Variants in MMP1 observed in about 807,000 individuals in gnomAD.
MMP1 encodes the protein matrix metallopeptidase 1.
Under a neutral mutation model 49.6 loss-of-function variants are expected in MMP1, and 51 were observed. That is an observed-to-expected ratio of 1.03 (90% CI 0.82 to 1.30). The LOEUF is 1.30. Ranked by LOEUF, MMP1 falls within the 50% of genes most tolerant of loss-of-function variation. The probability of loss-of-function intolerance (pLI) is 0.00; values close to 1 mark genes in which losing one functional copy is unlikely to be tolerated. For missense variants in MMP1, 623 were observed against 568.7 expected, an observed-to-expected ratio of 1.10 and a Z score of -0.97; for synonymous variants, 230 against 196.8, an observed-to-expected ratio of 1.17 and a Z score of -1.41.
chr11:102,797,432 G>A lies in MMP1; in HGVS notation c.174C>T (p.Gly58=). Residue 58 remains glycine (G), a synonymous_variant, in exon 2 of 10, where the codon GGC becomes GGT. Transcript: ENST00000315274. ...GRQVEKRRNS[G]PVVEKLKQMQ... The stretch of plus-strand genomic sequence containing the variant: ...TTTGCTTCAATTTTTCAACCACTGG[G>A]CCACTATTTCTCCGCTTTTCAACTT... 2 of 1,614,112 alleles carry A rather than the reference G, an allele frequency of 1.2e-6. No homozygotes were observed. Among genetic ancestry groups the A allele is most frequent in the Non-Finnish European group, 1.7e-6 (2 of 1,180,010 alleles).
intron 2 of MMP1, 43 bp from the exon 3 acceptor site, chr11:102,797,205 T>TA (rs747355013): frequency 8.1e-6 from 13 of 1,613,624 alleles, no homozygotes; most frequent in Non-Finnish European, 1.0e-5. Context: ...CATGACTTCT[T>TA]ACCACTGTCA....
In MMP1 at chr11:102,795,598, A is replaced by C. The variant is rs1443644264; in HGVS notation, c.635T>G (p.Leu212Ter). The change falls in exon 5 of 10, where the codon TTA (leucine) becomes TGA (stop). Residue 212 changes from leucine to a stop codon, truncating the protein, a stop_gained. Transcript: ENST00000315274. LOFTEE classifies it high-confidence loss of function. Reference sequence around the variant, plus strand: ...GAGTTCATGAGCTGCAACACGATGTAAGTTGTACTCTAAAAAGGCCAATAA... The same window carrying C: ...GAGTTCATGAGCTGCAACACGATGTCAGTTGTACTCTAAAAAGGCCAATAA... ...RWTNNFREYN[L>*]HRVAAHELGH... 1 of 1,608,502 alleles carries C rather than the reference A, an allele frequency of 6.2e-7. No individual in the cohort carries two copies. The highest frequency in any genetic ancestry group is 2.2e-5 in the East Asian group (1 of 44,846).
chr11:102,796,920 T>A (rs891983076), intron 3 of MMP1, 94 bp downstream of exon 3: 1 of 1,538,022 alleles, frequency 6.5e-7, no homozygotes, highest in South Asian at 1.3e-5. Context: ...TTCGAGCCCA[T>A]AAAATCAACA....
chr11:102,792,482 G>A lies in MMP1; in HGVS notation c.1033+123C>T. 7 of 962,512 alleles carry A rather than the reference G, an allele frequency of 7.3e-6. No individual in the cohort carries two copies. The South Asian group carries it at 9.6e-5, about 13-fold the overall frequency. The allele number at this position is 962,512 out of a possible 1,614,324, so 59.6% of individuals were successfully genotyped here. ...AAGTTGATGGACTTTCATTGATTTG[G>A]TTGGTGAGACTGAGATTTTCAAAAG... On this transcript the variant is annotated intron_variant, in intron 7 of 9. Transcript: ENST00000315274.
intron 7 of MMP1, 108 bp from the exon 8 acceptor site, chr11:102,791,603 G>A (rs1048267683): frequency 2.7e-5 from 33 of 1,214,270 alleles, no homozygotes; most frequent in Non-Finnish European, 3.9e-5. Flanking sequence ...TACCCTGGCT[G>A]CAGATTAGAA....
At position 102,797,008 on chromosome 11, in the gene MMP1, A is replaced by G. The variant is rs745944992; in HGVS notation, c.499+6T>C. 1 of 1,611,274 alleles carries G rather than the reference A, an allele frequency of 6.2e-7. No homozygotes were observed. Among genetic ancestry groups the G allele is most frequent in the South Asian group, 1.1e-5 (1 of 90,770 alleles). ...GTGAGGTTAAGGTGCTATAAGAAGA[A>G]CTTACCTCCCCTGACAAAAGATATC... On this transcript the variant is annotated splice_donor_region_variant and intron_variant, in intron 3 of 9. Transcript: ENST00000315274.
chr11:102,793,624 G>A (rs1415839370), intron 6 of MMP1, among the ~76,000 whole-genome samples: 1 of 152,178 alleles, frequency 6.6e-6, no homozygotes, highest in African/African-American at 2.4e-5. Flanking sequence ...GACACTACAA[G>A]AGAGTATTTG....
In MMP1 at chr11:102,795,476, T is replaced by C. The variant is rs758666283; in HGVS notation, c.757A>G (p.Ile253Val). 4.3e-6 allele frequency: 7 copies of C among 1,613,974 alleles called. 1 individual carries two copies. The South Asian group carries it at 6.6e-5, about 15-fold the overall frequency. ...SGDVQLAQDD[I>V]DGIQAIYGRS... ...CCATATATGGCTTGGATGCCATCAA[T>C]GTCATCCTGAGCTAGCTGAACATCA... The change falls in exon 5 of 10, where the codon ATT (isoleucine) becomes GTT (valine). Residue 253 changes from isoleucine (I) to valine (V), a missense_variant. Physicochemically the swap from Ile to Val is conservative, Grantham distance 29. Coordinates refer to ENST00000315274, the MANE Select transcript of MMP1 (RefSeq NM_002421.4).
chr11:102,795,318 A>G (rs200901474), intron 5 of MMP1, 27 bp from the exon 6 acceptor site: 2 of 1,609,538 alleles, frequency 1.2e-6, no homozygotes, highest in Admixed American at 3.3e-5. Context: ...ACCTAGAGTT[A>G]GTTTTGCCTA....
In MMP1 at chr11:102,792,727, C is replaced by G; in HGVS notation, c.911G>C (p.Arg304Pro). Residue 304 changes from arginine to proline, a missense_variant, in exon 7 of 10, where the codon CGC becomes CCC. Physicochemically the swap from Arg to Pro is moderately radical, Grantham distance 103. Coordinates refer to ENST00000315274, the MANE Select transcript of MMP1 (RefSeq NM_002421.4). ...AACTTCCGGGTAGAAGGGATTTGTG[C>G]GCATGTAGAATCTGATTAGAAAAAA... The part of the protein sequence containing the change: ...VMFFKDRFYM[R>P]TNPFYPEVEL... 1 of 1,611,878 alleles carries G rather than the reference C, an allele frequency of 6.2e-7. No homozygotes were observed. The highest frequency in any genetic ancestry group is 8.5e-7 in the Non-Finnish European group (1 of 1,178,982).
rs1016842628 is a variant in MMP1, at chr11:102,796,800, C to A, written c.500-11G>T. The A allele has an allele frequency of 9.3e-6, 15 of 1,610,290 alleles. No individual in the cohort carries two copies. Among genetic ancestry groups the A allele is most frequent in the African/African-American group, 2.7e-5 (2 of 74,746 alleles). ...AGTTGTCCCGATGATCTGAAAGAAACAATTCAACAAAGATTCCTTGTGGTT... is the reference window on the plus strand; with the variant it reads ...AGTTGTCCCGATGATCTGAAAGAAAAAATTCAACAAAGATTCCTTGTGGTT... On this transcript the variant is annotated splice_polypyrimidine_tract_variant and intron_variant, in intron 3 of 9. Transcript: ENST00000315274.
chr11:102,790,916 A>G, intron 8 of MMP1, 110 bp from the exon 9 acceptor site: 1 of 705,042 alleles, frequency 1.4e-6, no homozygotes. Flanking sequence ...TTCATTTTAT[A>G]GATCATTTGT....
rs1382016495 is a variant in MMP1, at chr11:102,797,406, A to G, written c.200T>C (p.Met67Thr). 2.5e-6 allele frequency: 4 copies of G among 1,613,980 alleles called. No individual in the cohort carries two copies. Among genetic ancestry groups the G allele is most frequent in the Middle Eastern group, 1.6e-4 (1 of 6,084 alleles). The change falls in exon 2 of 10, where the codon ATG becomes ACG. Residue 67 changes from methionine to threonine, a missense_variant. Coordinates refer to ENST00000315274, the MANE Select transcript of MMP1 (RefSeq NM_002421.4). Reference sequence around the variant, plus strand: ...CACTTTCAGCCCAAAGAATTCCTGCATTTGCTTCAATTTTTCAACCACTGG... The same window carrying G: ...CACTTTCAGCCCAAAGAATTCCTGCGTTTGCTTCAATTTTTCAACCACTGG... ...SGPVVEKLKQ[M>T]QEFFGLKVTG...
At position 102,798,105 on chromosome 11, in the gene MMP1, C is replaced by G; in HGVS notation, c.-13G>C. ...GAAAGCTGTGCATACTGGCCTTTGT[C>G]TTCTTTCTCAGTGCAAGGTAAGTGA... On this transcript the variant is annotated 5_prime_UTR_variant, in exon 1 of 10. Coordinates refer to ENST00000315274, the MANE Select transcript of MMP1 (RefSeq NM_002421.4). The G allele has an allele frequency of 6.2e-7, 1 of 1,600,696 alleles. No homozygotes were observed. Among genetic ancestry groups the G allele is most frequent in the Non-Finnish European group, 8.5e-7 (1 of 1,177,518 alleles).
At chr11:102,796,168 G>A (rs1219726690) in intron 4 of MMP1, among the ~76,000 whole-genome samples, 1 of 152,112 alleles carries the variant, frequency 6.6e-6, no homozygotes, top group African/African-American at 2.4e-5. Context: ...TCAGGCTGGT[G>A]TCAAACTCCT....
intron 6 of MMP1, 71 bp downstream of exon 6, chr11:102,795,103 A>C: frequency 8.5e-7 from 1 of 1,182,694 alleles, no homozygotes; most frequent in Non-Finnish European, 1.3e-6. Flanking sequence ...TGTGAAGCAT[A>C]ATAGTTAATC....
At chr11:102,797,188 C>T (rs776450770) in intron 2 of MMP1, 26 bp from the exon 3 acceptor site, 1 of 1,613,618 alleles carries the variant, frequency 6.2e-7, no homozygotes. Context: ...AATAGAGACA[C>T]ATTGGACATG....
rs201865180 is a variant in MMP1, at chr11:102,797,283, C to T, written c.323G>A (p.Arg108His). 4.0e-5 allele frequency: 64 copies of T among 1,614,174 alleles called. No homozygotes were observed. The South Asian group carries it at 4.2e-4, about 11-fold the overall frequency. The change falls in exon 2 of 10, where the codon CGC (arginine) becomes CAC (histidine). Residue 108 changes from arginine (R) to histidine (H), a missense_variant. Coordinates refer to ENST00000315274, the MANE Select transcript of MMP1 (RefSeq NM_002421.4). The part of the protein sequence containing the change: ...AQFVLTEGNP[R>H]WEQTHLTYRI... ...GTAGGTCAGATGTGTTTGCTCCCAGCGAGGGTTCCCCTCAGTGAGGACAAA... is the reference window on the plus strand; with the variant it reads ...GTAGGTCAGATGTGTTTGCTCCCAGTGAGGGTTCCCCTCAGTGAGGACAAA...
chr11:102,797,162 C>T lies in MMP1; in HGVS notation c.351G>A (p.Arg117=), dbSNP rs144780150. 1.9e-6 allele frequency: 3 copies of T among 1,613,946 alleles called. No homozygotes were observed. The highest frequency in any genetic ancestry group is 1.3e-5 in the African/African-American group (1 of 75,050). ...PRWEQTHLTY[R]IENYTPDLPR... is the part of the protein sequence containing the mutation. ...GCAAATCTGGCGTGTAATTTTCAAT[C>T]CTTAGAATGAAACAAAATAGAGACA... The change falls in exon 3 of 10, where the codon AGG becomes AGA. Residue 117 remains arginine (R), a splice_region_variant and synonymous_variant. Coordinates refer to ENST00000315274, the MANE Select transcript of MMP1 (RefSeq NM_002421.4).
Sources: gnomAD v4.1 joint callset for allele counts (sites outside exome capture counted in the v4.1 genomes callset) on GRCh38, gnomAD v4.1.1 for gene constraint, MANE v1.5 for transcripts, NCBI Gene and HGNC (gene_info 2026-07-23, HGNC 2026-07-21) for gene names.